ADAMTS10: variants seen among roughly 807,000 people sequenced by gnomAD.
ADAMTS10 encodes the protein ADAM metallopeptidase with thrombospondin type 1 motif 10.
In ADAMTS10, 48 loss-of-function variants were observed where a neutral mutation model predicts 135.9. The observed-to-expected ratio is 0.35, with a 90% CI of 0.28 to 0.45. ADAMTS10 has a LOEUF of 0.45. Ranked by LOEUF, ADAMTS10 falls within the 20% of genes least tolerant of loss-of-function variation. ADAMTS10 has a pLI of 1.00. For synonymous variants in ADAMTS10, 621 were observed against 647.5 expected (o/e 0.96, Z 0.62); for missense variants, 1,131 against 1,565.2 (o/e 0.72, Z 4.68).
intron 1 of ADAMTS10, among the ~76,000 whole-genome samples, chr19:8,608,941 C>T (rs1025399023): frequency 4.0e-5 from 6 of 148,752 alleles, no homozygotes; most frequent in South Asian, 4.4e-4. Flanking sequence ...GGCTCACAGG[C>T]GTCTGAGCTG....
rs1335862473 is a variant in ADAMTS10, at chr19:8,604,508, G to GTCT, written c.435+501_435+503dup. 1.4e-4 allele frequency among the ~76,000 whole-genome samples: 21 copies of GTCT among 149,926 alleles called. No homozygotes were observed. In the East Asian group the frequency reaches 2.3e-3, roughly 17 times the overall value. The stretch of plus-strand genomic sequence containing the variant: ...ATATATATATATTTAAAGAGTCAGG[G>GTCT]TCTTGTTCTGTCACCCATGCTGGAG... On this transcript the variant is annotated intron_variant, in intron 4 of 25. Coordinates refer to ENST00000597188, the MANE Select transcript of ADAMTS10 (RefSeq NM_030957.4).
At chr19:8,607,804 C>T (rs111585121) in intron 2 of ADAMTS10, among the ~76,000 whole-genome samples, 309 of 146,748 alleles carry the variant, frequency 2.1e-3, no homozygotes, top group African/African-American at 7.8e-3. Flanking sequence ...TGTTGTTGTT[C>T]TCTCTCTCTC....
chr19:8,589,294 G>C lies in ADAMTS10; in HGVS notation c.2106C>G (p.Gly702=). The C allele has an allele frequency of 3.7e-6, 6 of 1,612,446 alleles. No homozygotes were observed. Among genetic ancestry groups the C allele is most frequent in the Non-Finnish European group, 5.1e-6 (6 of 1,179,914 alleles). Residue 702 remains glycine (G), a synonymous_variant, in exon 18 of 26, where the codon GGC becomes GGG. Transcript: ENST00000597188. Reference sequence around the variant, plus strand: ...CGCCCTCGATGGTCTCGCAGGCACTGCCGTCACCGCCACACACTCGGCACT... The same window carrying C: ...CGCCCTCGATGGTCTCGCAGGCACTCCCGTCACCGCCACACACTCGGCACT... ...EDKCRVCGGD[G]SACETIEGVF... is the part of the protein sequence containing the mutation.
chr19:8,595,724 T>G (rs1204521438), intron 12 of ADAMTS10, 38 bp downstream of exon 12: 74 of 719,500 alleles, frequency 1.0e-4, no homozygotes, highest in Middle Eastern at 2.8e-4. Context: ...AGCGGCCCCC[T>G]CCCCTCCCAG....
intron 13 of ADAMTS10, among the ~76,000 whole-genome samples, chr19:8,592,462 G>A (rs1005813195): frequency 3.3e-5 from 5 of 151,674 alleles, no homozygotes; most frequent in African/African-American, 9.7e-5. Context: ...GCCAATGAGG[G>A]AGAGAGCAAA....
At chr19:8,590,105 GGGA>G (rs1287285329) in intron 15 of ADAMTS10, 114 bp from the exon 16 acceptor site, 12 of 763,374 alleles carry the variant, frequency 1.6e-5, no homozygotes, top group Non-Finnish European at 2.5e-5. Flanking sequence ...AGGGAGGCCA[GGGA>G]GGAGGCTGTG....
rs140867394 is a variant in ADAMTS10, at chr19:8,603,733, A to T, written c.587T>A (p.Val196Glu). The stretch of plus-strand genomic sequence containing the variant: ...CCCCAGAAAGACCGATGTACCTCTC[A>T]CTCCACAGGCTGTGTCCAGGTGGGG... ...RHPHLDTACG[V>E]RDEKPWKGRP... The change falls in exon 5 of 26, where the codon GTG (valine) becomes GAG (glutamate). Residue 196 changes from valine to glutamate, a missense_variant. By Grantham distance (121) the Val-to-Glu change is moderately radical. Around this residue, in one of 3 missense-constraint regions of ADAMTS10, gnomAD observed 306 missense variants for 344.4 expected, o/e 0.89. Transcript: ENST00000597188. 2.0e-4 allele frequency: 316 copies of T among 1,613,684 alleles called. No individual in the cohort carries two copies. The highest frequency in any genetic ancestry group is 2.6e-4 in the Non-Finnish European group (303 of 1,179,960).
intron 22 of ADAMTS10, 39 bp from the exon 23 acceptor site, chr19:8,585,699 AGGGG>A (rs781925765): frequency 8.1e-6 from 13 of 1,597,056 alleles, no homozygotes; most frequent in Non-Finnish European, 1.1e-5. Flanking sequence ...TAAGCAGGGC[AGGGG>A]GTCCCAACAC....
In ADAMTS10 at chr19:8,605,231, G is replaced by A. The variant is rs199578266; in HGVS notation, c.216C>T (p.Ala72=). ...CCACTTTGTAGAAGAGGCGGGACTC[G>A]GCTGTGGCCCCCGTGCCGCGGCGCT... ...RRQRRGTGAT[A]ESRLFYKVAS... is the part of the protein sequence containing the mutation. The change falls in exon 4 of 26, where the codon GCC becomes GCT. Residue 72 remains alanine, a synonymous_variant. Transcript: ENST00000597188. This position sits in a 1 kb window ranked among gnomAD's most constrained non-coding sequence, Gnocchi z 7.7. 23 of 1,613,598 alleles carry A rather than the reference G, an allele frequency of 1.4e-5. No individual in the cohort carries two copies. The highest frequency in any genetic ancestry group is 6.7e-5 in the Admixed American group (4 of 59,996).
intron 18 of ADAMTS10, among the ~76,000 whole-genome samples, chr19:8,588,646 A>G (rs138219712): frequency 6.6e-6 from 1 of 152,194 alleles, no homozygotes; most frequent in African/African-American, 2.4e-5. Context: ...CCCCTCCCGT[A>G]GTAAGCCTTT....
rs782132122 is a variant in ADAMTS10, at chr19:8,597,229, C to T, written c.894+5G>A. On this transcript the variant is annotated splice_donor_5th_base_variant and intron_variant, in intron 7 of 25. Transcript: ENST00000597188. ...GGAAGGGGAAGGGGAGGAAGTCCCC[C>T]GCACCTGGTCCTCCGTGAGCAGGAT... 95 of 1,613,934 alleles carry T rather than the reference C, an allele frequency of 5.9e-5. No homozygotes were observed. Among genetic ancestry groups the T allele is most frequent in the South Asian group, 1.8e-4 (16 of 91,068 alleles).
chr19:8,591,675 C>T (rs868917746), intron 15 of ADAMTS10, 125 bp downstream of exon 15: 2 of 1,135,100 alleles, frequency 1.8e-6, no homozygotes, highest in Non-Finnish European at 1.3e-6. Flanking sequence ...CTCCTGACCT[C>T]GTGATCCGCC....
intron 18 of ADAMTS10, among the ~76,000 whole-genome samples, chr19:8,587,899 C>T (rs1555737726): frequency 1.4e-5 from 2 of 140,452 alleles, no homozygotes; most frequent in Non-Finnish European, 3.0e-5. Context: ...CCACTGCACT[C>T]TAGCCTGTGT....
Position 8,595,779 on chromosome 19 carries a change from G to T in ADAMTS10, c.1462C>A (p.Arg488Ser), listed in dbSNP as rs782720992. 2.5e-6 allele frequency: 4 copies of T among 1,594,190 alleles called. No homozygotes were observed. The change falls in exon 12 of 26, where the codon CGT (arginine) becomes AGT (serine). Residue 488 changes from arginine to serine, a missense_variant. By Grantham distance (110) the Arg-to-Ser change is moderately radical (BLOSUM62 -1). Coordinates refer to ENST00000597188, the MANE Select transcript of ADAMTS10 (RefSeq NM_030957.4). ...QCRFQHGVKS[R>S]QCKYGEVCSE... is the part of the protein sequence containing the mutation. ...CTCTCTACCCCGTATTTACACTGAC[G>T]CGATTTGACTCCATGCTGAAAGCGG...
At chr19:8,582,126 G>A (rs1312997966) in intron 25 of ADAMTS10, among the ~76,000 whole-genome samples, 2 of 152,006 alleles carry the variant, frequency 1.3e-5, no homozygotes, top group Non-Finnish European at 2.9e-5. Context: ...TAGCACCCAG[G>A]AAAAAATGTC....
intron 6 of ADAMTS10, among the ~76,000 whole-genome samples, chr19:8,599,661 A>G (rs1166521613): frequency 2.0e-5 from 3 of 151,490 alleles, no homozygotes; most frequent in Non-Finnish European, 4.4e-5. Context: ...TTTATGAATG[A>G]ATGAATGACA....
At position 8,589,229 on chromosome 19, in the gene ADAMTS10, T is replaced by G; in HGVS notation, c.2158+13A>C. 1 of 1,612,380 alleles carries G rather than the reference T, an allele frequency of 6.2e-7. No homozygotes were observed. The highest frequency in any genetic ancestry group is 8.5e-7 in the Non-Finnish European group (1 of 1,179,936). ...CATGCAGGGAGTGTGGGAGGGAAGC[T>G]GGAGACTCTCACCGGCCCCAGGTGA... On this transcript the variant is annotated intron_variant, in intron 18 of 25. Coordinates refer to ENST00000597188, the MANE Select transcript of ADAMTS10 (RefSeq NM_030957.4).
chr19:8,589,858 G>A (rs1200727720), intron 16 of ADAMTS10, 31 bp downstream of exon 16: 4 of 1,597,592 alleles, frequency 2.5e-6, no homozygotes, highest in Middle Eastern at 1.7e-4. Context: ...TGCCCTTCAC[G>A]GCCCCACAGC....
intron 1 of ADAMTS10, among the ~76,000 whole-genome samples, chr19:8,609,709 G>T (rs185486697): frequency 3.5e-4 from 54 of 152,282 alleles, no homozygotes; most frequent in Admixed American, 3.1e-3. Flanking sequence ...GACACCCTGA[G>T]ACAGACGGCT....
Sources: gnomAD v4.1 joint callset for allele counts (sites outside exome capture counted in the v4.1 genomes callset) on GRCh38, gnomAD v4.1.1 for gene constraint, gnomAD v4.1.1 regional missense constraint, Gnocchi (gnomAD v3.1) non-coding constraint, MANE v1.5 for transcripts, NCBI Gene and HGNC (gene_info 2026-07-23, HGNC 2026-07-21) for gene names.